Variants in TSC2 observed in about 807,000 individuals in gnomAD.
The protein encoded by TSC2 is TSC complex subunit 2, also known as tuberin.
TSC2 carries 29 observed loss-of-function variants against 202.2 expected under a neutral mutation model. The ratio of observed to expected loss-of-function variants is 0.14; its 90% CI spans 0.11 to 0.20. TSC2 has a LOEUF of 0.20. Ranked by LOEUF, TSC2 falls within the 10% of genes least tolerant of loss-of-function variation. TSC2 has a pLI of 1.00. For synonymous variants in TSC2, 1,349 were observed against 1,044.0 expected (o/e 1.29, Z -5.63); for missense variants, 2,429 against 2,420.0 (o/e 1.00, Z -0.08).
At chr16:2,064,131 G>C in intron 14 of TSC2, 141 bp from the exon 15 acceptor site, 1 of 1,360,546 alleles carries the variant, frequency 7.3e-7, no homozygotes, top group Non-Finnish European at 1.0e-6. Flanking sequence ...CTCAGCGGGT[G>C]CTTGTGCTCT....
Position 2,072,912 on chromosome 16 carries a change from T to C in TSC2, c.2284T>C (p.Leu762=), listed in dbSNP as rs1249640615. 1 of 1,613,542 alleles carries C rather than the reference T, an allele frequency of 6.2e-7. No homozygotes were observed. Among genetic ancestry groups the C allele is most frequent in the Non-Finnish European group, 8.5e-7 (1 of 1,180,042 alleles). The change falls in exon 21 of 42, where the codon TTG becomes CTG. Residue 762 remains leucine, a synonymous_variant. Coordinates refer to ENST00000219476, the MANE Select transcript of TSC2 (RefSeq NM_000548.5). The part of the protein sequence containing the change: ...GAPEGFSRTD[L]HLAVVPVLTA... ...CCCAGAAGGCTTCTCCAGAACTGAC[T>C]TGCACCTGGCCGTGGTTCCAGTGCT...
chr16:2,081,379 G>C, intron 30 of TSC2: 1 of 639,622 alleles, frequency 1.6e-6, no homozygotes, highest in Non-Finnish European at 2.8e-6. Flanking sequence ...CCGCTGCTCT[G>C]AGGTGCCTGG....
intron 21 of TSC2, among the ~76,000 whole-genome samples, chr16:2,073,290 TTGG>T (rs2088770465): frequency 6.6e-6 from 1 of 152,156 alleles, no homozygotes; most frequent in African/African-American, 2.4e-5. Flanking sequence ...GCCATGCCGG[TTGG>T]TGGAGCTGGG....
intron 22 of TSC2, 87 bp from the exon 23 acceptor site, chr16:2,075,712 C>T (rs1025419651): frequency 1.6e-5 from 23 of 1,414,662 alleles, no homozygotes; most frequent in African/African-American, 7.0e-5. Flanking sequence ...AGCACCCCAT[C>T]GCTGCCGTGG....
Position 2,075,994 on chromosome 16 carries a change from G to C in TSC2, c.2640-74G>C, listed in dbSNP as rs143128054. On this transcript the variant is annotated intron_variant, in intron 23 of 41. Coordinates refer to ENST00000219476, the MANE Select transcript of TSC2 (RefSeq NM_000548.5). ...TTTGTCCCCAAGGCCTGAGCGCCTC[G>C]GTTTTTTGCACTTCATGCCCTGGGG... 2.5e-6 allele frequency: 4 copies of C among 1,612,374 alleles called. No individual in the cohort carries two copies. In the African/African-American group the frequency reaches 5.3e-5, roughly 22 times the overall value.
At chr16:2,082,697 C>T (rs2090291405) in intron 32 of TSC2, 193 bp downstream of exon 32, 2 of 671,096 alleles carry the variant, frequency 3.0e-6, no homozygotes, top group Admixed American at 4.3e-5. Flanking sequence ...TGACTTGGTC[C>T]CTTTGTGGCT....
At position 2,088,287 on chromosome 16, in the gene TSC2, A is replaced by G. The variant is rs140526185; in HGVS notation, c.5221A>G (p.Ile1741Val). ...NPTDIYPSKW[I>V]ARLRHIKRLR... The stretch of plus-strand genomic sequence containing the variant: ...CACCGATATCTACCCCTCCAAGTGG[A>G]TTGCCCGGCTCCGCCACATCAAGCG... Residue 1741 changes from isoleucine to valine, a missense_variant, in exon 41 of 42, where the codon ATT (isoleucine) becomes GTT (valine). By Grantham distance (29) the Ile-to-Val change is conservative. Transcript: ENST00000219476. 2 of 1,612,766 alleles carry G rather than the reference A, an allele frequency of 1.2e-6. No individual in the cohort carries two copies. The highest frequency in any genetic ancestry group is 2.7e-5 in the African/African-American group (2 of 74,918).
chr16:2,058,671 G>A (rs559406565), intron 9 of TSC2, 76 bp from the exon 10 acceptor site: 95 of 1,542,452 alleles, frequency 6.2e-5, no homozygotes, highest in Non-Finnish European at 7.4e-5. Context: ...CAGGAGCCTC[G>A]GCAACCTCAC....
chr16:2,061,099 C>T (rs911185869), intron 11 of TSC2: 16 of 470,510 alleles, frequency 3.4e-5, no homozygotes, highest in Non-Finnish European at 5.5e-5. Context: ...AGGCCGCCTT[C>T]GTGGCCTGAG....
At chr16:2,075,747 G>A in intron 22 of TSC2, 52 bp from the exon 23 acceptor site, 1 of 1,593,012 alleles carries the variant, frequency 6.3e-7, no homozygotes, top group Non-Finnish European at 8.6e-7. Flanking sequence ...TTGGCCTTCA[G>A]AGGCGCTGCA....
chr16:2,087,076 G>A (rs2090906569), intron 38 of TSC2: 1 of 739,792 alleles, frequency 1.4e-6, no homozygotes, highest in South Asian at 1.8e-5. Flanking sequence ...CTGCTGCTGA[G>A]TGTCTGTCAG....
intron 30 of TSC2, 83 bp from the exon 31 acceptor site, chr16:2,081,512 C>T (rs367591985): frequency 6.4e-7 from 1 of 1,572,530 alleles, no homozygotes; most frequent in Non-Finnish European, 8.7e-7. Flanking sequence ...AAAACCAGGG[C>T]CCAGGCCAGG....
At position 2,079,519 on chromosome 16, in the gene TSC2, G is replaced by T. The variant is rs1419191785; in HGVS notation, c.3285-38G>T. The T allele has an allele frequency of 6.2e-7, 1 of 1,605,386 alleles. No individual in the cohort carries two copies. The highest frequency in any genetic ancestry group is 1.3e-5 in the African/African-American group (1 of 74,766). On this transcript the variant is annotated intron_variant, in intron 28 of 41. Coordinates refer to ENST00000219476, the MANE Select transcript of TSC2 (RefSeq NM_000548.5). This position sits in a 1 kb window ranked among gnomAD's most constrained non-coding sequence, Gnocchi z 4.6. ...ACGTGGCACCCTCGTACCAGCCTGG[G>T]GACTAAGTCCACCCTGTGCGTGGGA...
In TSC2 at chr16:2,071,634, C is replaced by T. The variant is rs1351856624; in HGVS notation, c.1946+18C>T. On this transcript the variant is annotated intron_variant, in intron 18 of 41. Transcript: ENST00000219476. ...GACTACATGTACGCGGGACCTCGCCCACGGCCCATGAGGCTCAGGGCGTCA... is the reference window on the plus strand; with the variant it reads ...GACTACATGTACGCGGGACCTCGCCTACGGCCCATGAGGCTCAGGGCGTCA... 2 of 1,612,858 alleles carry T rather than the reference C, an allele frequency of 1.2e-6. No individual in the cohort carries two copies. The highest frequency in any genetic ancestry group is 1.3e-5 in the African/African-American group (1 of 74,938).
intron 13 of TSC2, 139 bp from the exon 14 acceptor site, chr16:2,062,833 C>T: frequency 9.5e-7 from 1 of 1,047,316 alleles, no homozygotes; most frequent in South Asian, 1.4e-5. Context: ...GAGATGCTCC[C>T]TGGGAAGCAG....
At position 2,079,751 on chromosome 16, in the gene TSC2, G is replaced by C; in HGVS notation, c.3397+82G>C. Reference sequence around the variant, plus strand: ...TGGTCCCAGTGTTCAGGAAGGCCCCGAGCCCAGGGGCCGGGGTGGCTGGCT... The same window carrying C: ...TGGTCCCAGTGTTCAGGAAGGCCCCCAGCCCAGGGGCCGGGGTGGCTGGCT... On this transcript the variant is annotated intron_variant, in intron 29 of 41. Coordinates refer to ENST00000219476, the MANE Select transcript of TSC2 (RefSeq NM_000548.5). The surrounding 1 kb of genome is among the most constrained non-coding windows in gnomAD (Gnocchi z 4.6). 7.1e-7 allele frequency: 1 copy of C among 1,414,836 alleles called. No homozygotes were observed. The highest frequency in any genetic ancestry group is 2.5e-5 in the East Asian group (1 of 40,130). 87.6% of individuals were successfully genotyped at this position (1,414,836 alleles called of 1,614,324 possible).
chr16:2,061,641 G>A, intron 11 of TSC2: 2 of 621,090 alleles, frequency 3.2e-6, no homozygotes, highest in South Asian at 3.6e-5. Context: ...GATCTGGGGG[G>A]TGTCCTGGGC....
At chr16:2,073,810 C>T (rs888554872) in intron 21 of TSC2, among the ~76,000 whole-genome samples, 3 of 152,280 alleles carry the variant, frequency 2.0e-5, no homozygotes, top group Non-Finnish European at 4.4e-5. Context: ...CCATCTGGCC[C>T]CGGGCTCTGC....
At chr16:2,059,816 G>T (rs750488456) in intron 10 of TSC2, among the ~76,000 whole-genome samples, 25 of 152,050 alleles carry the variant, frequency 1.6e-4, no homozygotes, top group Non-Finnish European at 3.2e-4. Context: ...ACCGTGCCCG[G>T]CCAAGGCTAA....
Sources: allele counts gnomAD v4.1 joint callset (sites outside exome capture counted in the v4.1 genomes callset), GRCh38; gene constraint gnomAD v4.1.1; non-coding constraint Gnocchi (gnomAD v3.1); transcripts MANE v1.5; gene names NCBI Gene and HGNC (gene_info 2026-07-23, HGNC 2026-07-21).